Variants in CA12 observed in about 807,000 individuals in gnomAD.
CA12 encodes the protein carbonic anhydrase 12, also known as carbonate dehydratase XII.
Under a neutral mutation model 46.8 loss-of-function variants are expected in CA12, and 36 were observed. The ratio of observed to expected loss-of-function variants is 0.77; its 90% CI spans 0.59 to 1.02. The LOEUF (loss-of-function observed/expected upper bound fraction) is 1.02, where lower values mean the gene tolerates loss of function less well. Ranked by LOEUF, CA12 falls within the 50% of genes least tolerant of loss-of-function variation. CA12 has a pLI of 0.00. For missense variants in CA12, 436 were observed against 451.4 expected (o/e 0.97, Z 0.31); for synonymous variants, 202 against 187.0 (o/e 1.08, Z -0.65).
In CA12 at chr15:63,374,386, G is replaced by C. The variant is rs1326516546; in HGVS notation, c.106+1272C>G. 1.3e-5 allele frequency among the ~76,000 whole-genome samples: 2 copies of C among 152,122 alleles called. No homozygotes were observed. Among genetic ancestry groups the C allele is most frequent in the Non-Finnish European group, 2.9e-5 (2 of 68,026 alleles). On this transcript the variant is annotated intron_variant, in intron 2 of 10. Coordinates refer to ENST00000178638, the MANE Select transcript of CA12 (RefSeq NM_001218.5). This position sits in a 1 kb window ranked among gnomAD's most constrained non-coding sequence, Gnocchi z 4.4. Reference sequence around the variant, plus strand: ...CCAGGAGGCCTTCCCTGACCATCTAGCCCTAGCACACTCGCCCTCCTTTGA... The same window carrying C: ...CCAGGAGGCCTTCCCTGACCATCTACCCCTAGCACACTCGCCCTCCTTTGA...
chr15:63,325,369 C>A lies in CA12; in HGVS notation c.*916G>T, dbSNP rs2038852356. The A allele has an allele frequency of 6.6e-6, 1 of 152,110 alleles. No individual in the cohort carries two copies. Among genetic ancestry groups the A allele is most frequent in the Non-Finnish European group, 1.5e-5 (1 of 68,042 alleles). The allele number at this position is 152,110 out of a possible 1,614,324, so 9.4% of individuals were successfully genotyped here. A position where few individuals can be genotyped will look rare whatever the true frequency, so the allele number is the denominator to read the frequency against. Reference sequence around the variant, plus strand: ...TCATGTCTCCTCCAGGACACAGCAACAACACATTTTCAAGGAACAGCCTCA... The same window carrying A: ...TCATGTCTCCTCCAGGACACAGCAAAAACACATTTTCAAGGAACAGCCTCA... On this transcript the variant is annotated 3_prime_UTR_variant, in exon 11 of 11. Transcript: ENST00000178638. This position sits in a 1 kb window ranked among gnomAD's most constrained non-coding sequence, Gnocchi z 4.9.
intron 2 of CA12, among the ~76,000 whole-genome samples, chr15:63,363,661 G>A (rs2039395720): frequency 6.6e-6 from 1 of 152,230 alleles, no homozygotes; most frequent in Admixed American, 6.5e-5. Context: ...GTGATAATCA[G>A]CCTTTGCAGG....
At chr15:63,365,310 T>C (rs1742816972) in intron 2 of CA12, among the ~76,000 whole-genome samples, 1 of 152,268 alleles carries the variant, frequency 6.6e-6, no homozygotes, top group Admixed American at 6.5e-5. Flanking sequence ...AAAAAATCCC[T>C]GCATTTCCTC....
chr15:63,378,130 G>C lies in CA12; in HGVS notation c.86-2452C>G, dbSNP rs2152628592. 6.6e-6 allele frequency among the ~76,000 whole-genome samples: 1 copy of C among 152,270 alleles called. No individual in the cohort carries two copies. Among genetic ancestry groups the C allele is most frequent in the East Asian group, 1.9e-4 (1 of 5,182 alleles). Reference sequence around the variant, plus strand: ...TGGCTGGGTACGGTGGCTCACCCCTGTAATCCCAGCACTTTGGAAGACCAA... The same window carrying C: ...TGGCTGGGTACGGTGGCTCACCCCTCTAATCCCAGCACTTTGGAAGACCAA... On this transcript the variant is annotated intron_variant, in intron 1 of 10. Transcript: ENST00000178638. The surrounding 1 kb of genome is among the most constrained non-coding windows in gnomAD (Gnocchi z 4.8).
At chr15:63,327,000 G>T in intron 10 of CA12, 149 bp downstream of exon 10, 1 of 696,960 alleles carries the variant, frequency 1.4e-6, no homozygotes. Context: ...AAGGAGGCCA[G>T]GGCACGGGTG....
At chr15:63,335,490 G>T (rs1423745683) in intron 8 of CA12, among the ~76,000 whole-genome samples, 1 of 150,814 alleles carries the variant, frequency 6.6e-6, no homozygotes, top group Non-Finnish European at 1.5e-5. Context: ...AAGAGACAGG[G>T]TCTCACTCTG....
At position 63,374,757 on chromosome 15, in the gene CA12, G is replaced by A. The variant is rs1444703374; in HGVS notation, c.106+901C>T. Among the ~76,000 whole-genome samples, 1 of 152,084 alleles carries A rather than the reference G, an allele frequency of 6.6e-6. No homozygotes were observed. The highest frequency in any genetic ancestry group is 6.6e-5 in the Admixed American group (1 of 15,260). ...CTTCCACTGTAGTAATCAACTTCCC[G>A]CCTGTCCCCGCCCACAGCCATTGCA... On this transcript the variant is annotated intron_variant, in intron 2 of 10. Coordinates refer to ENST00000178638, the MANE Select transcript of CA12 (RefSeq NM_001218.5). The surrounding 1 kb of genome is among the most constrained non-coding windows in gnomAD (Gnocchi z 4.4).
Position 63,336,543 on chromosome 15 carries a change from CTTTT to C in CA12, c.874+2272_874+2275del, listed in dbSNP as rs71998323. On this transcript the variant is annotated intron_variant, in intron 8 of 10. Coordinates refer to ENST00000178638, the MANE Select transcript of CA12 (RefSeq NM_001218.5). Reference sequence around the variant, plus strand: ...CATGAGATCACCTAATCCAACCTGGCTTTTTTTTTTTTTTTTTTTTTTTTTGAGA... The same window carrying C: ...CATGAGATCACCTAATCCAACCTGGCTTTTTTTTTTTTTTTTTTTTTGAGA... Among the ~76,000 whole-genome samples the C allele has an allele frequency of 1.0e-3, 89 of 86,214 alleles. 1 individual carries two copies. The South Asian group carries it at 0.02, about 19-fold the overall frequency. 56.6% of individuals were successfully genotyped at this position (86,214 alleles called of 152,430 possible).
chr15:63,381,641 A>T lies in CA12; in HGVS notation c.80T>A (p.Val27Glu). The part of the protein sequence containing the change: ...LKEQPSSPAP[V>E]NGSKWTYFGP... The stretch of plus-strand genomic sequence containing the variant: ...GAAGCAGGCGGAAACTTTACCGTTC[A>T]CTGGGGCCGGGCTGGAAGGCTGTTC... Residue 27 changes from valine to glutamate, a missense_variant, in exon 1 of 11, where the codon GTG (valine) becomes GAG (glutamate). By Grantham distance (121) the Val-to-Glu change is moderately radical. Coordinates refer to ENST00000178638, the MANE Select transcript of CA12 (RefSeq NM_001218.5). 6.2e-7 allele frequency: 1 copy of T among 1,611,022 alleles called. No individual in the cohort carries two copies. The highest frequency in any genetic ancestry group is 8.5e-7 in the Non-Finnish European group (1 of 1,178,618).
At chr15:63,371,636 G>A (rs893742250) in intron 2 of CA12, among the ~76,000 whole-genome samples, 4 of 152,238 alleles carry the variant, frequency 2.6e-5, no homozygotes, top group Admixed American at 6.5e-5. Flanking sequence ...ATCCCATCGC[G>A]TTTAAGACTT....
intron 8 of CA12, among the ~76,000 whole-genome samples, chr15:63,336,957 A>G (rs1248235253): frequency 6.6e-6 from 1 of 152,184 alleles, no homozygotes; most frequent in Non-Finnish European, 1.5e-5. Flanking sequence ...TTTTGGTTTT[A>G]AGAGTTGAAG....
In CA12 at chr15:63,345,330, G is replaced by C. The variant is rs372316420; in HGVS notation, c.429+147C>G. 2.2e-6 allele frequency: 2 copies of C among 925,856 alleles called. No homozygotes were observed. The highest frequency in any genetic ancestry group is 5.2e-5 in the East Asian group (2 of 38,146). The allele number at this position is 925,856 out of a possible 1,614,324, so 57.4% of individuals were successfully genotyped here. ...AGCTACAGGCTAGTGGAGTGGCTGCGCCCCTTGTGCCAGGGCCAGAGGTGG... is the reference window on the plus strand; with the variant it reads ...AGCTACAGGCTAGTGGAGTGGCTGCCCCCCTTGTGCCAGGGCCAGAGGTGG... On this transcript the variant is annotated intron_variant, in intron 4 of 10. Transcript: ENST00000178638. This position sits in a 1 kb window ranked among gnomAD's most constrained non-coding sequence, Gnocchi z 4.3.
chr15:63,381,836 G>A lies in CA12; in HGVS notation c.-116C>T, dbSNP rs935767665. 21 of 606,108 alleles carry A rather than the reference G, an allele frequency of 3.5e-5. No individual in the cohort carries two copies. The highest frequency in any genetic ancestry group is 1.0e-4 in the East Asian group (3 of 28,954). The allele number at this position is 606,108 out of a possible 1,614,324, so 37.5% of individuals were successfully genotyped here. ...GCAGCCTGGGTGCCGTGGCGAGTACGTCCGCCCTTCGCTCTCCTGGCTTCC... is the reference window on the plus strand; with the variant it reads ...GCAGCCTGGGTGCCGTGGCGAGTACATCCGCCCTTCGCTCTCCTGGCTTCC... On this transcript the variant is annotated 5_prime_UTR_variant, in exon 1 of 11. The change creates a new upstream start codon in the 5' untranslated region. Transcript: ENST00000178638.
chr15:63,340,704 T>G lies in CA12; in HGVS notation c.589+16A>C. On this transcript the variant is annotated intron_variant, in intron 6 of 10. Coordinates refer to ENST00000178638, the MANE Select transcript of CA12 (RefSeq NM_001218.5). The surrounding 1 kb of genome is among the most constrained non-coding windows in gnomAD (Gnocchi z 4.4). ...TTCTCCAGCAGAGAGTGAATATGCA[T>G]GCAAGGACCCCTCACCTTTGTACTT... 6.2e-7 allele frequency: 1 copy of G among 1,613,154 alleles called. No homozygotes were observed. Among genetic ancestry groups the G allele is most frequent in the Non-Finnish European group, 8.5e-7 (1 of 1,179,046 alleles).
In CA12 at chr15:63,346,682, T is replaced by C. The variant is rs752285680; in HGVS notation, c.134A>G (p.Lys45Arg). ...CAGGCCCCCACACGACGGGTACTTC[T>C]TGGACCAGCTATTCTCCCCATCAGG... is the stretch of plus-strand genomic sequence containing the variant. Reference protein sequence around the residue: ...FGPDGENSWSKKYPSCGGLLQ... With the variant: ...FGPDGENSWSRKYPSCGGLLQ... The change falls in exon 3 of 11, where the codon AAG becomes AGG. Residue 45 changes from lysine (K) to arginine (R), a missense_variant. By Grantham distance (26) the Lys-to-Arg change is conservative. Transcript: ENST00000178638. The C allele has an allele frequency of 6.2e-7, 1 of 1,614,212 alleles. No homozygotes were observed. The highest frequency in any genetic ancestry group is 1.1e-5 in the South Asian group (1 of 91,084).
In CA12 at chr15:63,342,022, C is replaced by A. The variant is rs1251085069; in HGVS notation, c.505G>T (p.Val169Phe). Residue 169 changes from valine to phenylalanine, a missense_variant, in exon 5 of 11, where the codon GTC becomes TTC. Physicochemically the swap from Val to Phe is conservative, Grantham distance 50 (BLOSUM62 -1). Transcript: ENST00000178638. ...CTTACCTCAATGAGAACAGCCAGGA[C>A]AGCGAGGCCTTCTGACTTGTTGCTG... ...TASNKSEGLA[V>F]LAVLIEMGSF... 1.2e-6 allele frequency: 2 copies of A among 1,613,452 alleles called. No individual in the cohort carries two copies. The highest frequency in any genetic ancestry group is 1.7e-6 in the Non-Finnish European group (2 of 1,179,368).
At chr15:63,351,162 T>C (rs2039225235) in intron 2 of CA12, among the ~76,000 whole-genome samples, 1 of 152,224 alleles carries the variant, frequency 6.6e-6, no homozygotes, top group African/African-American at 2.4e-5. Context: ...GATGGTGGAA[T>C]GCCTCATCAG....
At position 63,327,353 on chromosome 15, in the gene CA12, C is replaced by T. The variant is rs1481722563; in HGVS notation, c.908-120G>A. ...ATCATCCACAGAAAGGAATAATTTC[C>T]CCATCCCTGTTCTCAGATTCTGGTC... On this transcript the variant is annotated intron_variant, in intron 9 of 10. Coordinates refer to ENST00000178638, the MANE Select transcript of CA12 (RefSeq NM_001218.5). This position sits in a 1 kb window ranked among gnomAD's most constrained non-coding sequence, Gnocchi z 4.5. 2 of 810,168 alleles carry T rather than the reference C, an allele frequency of 2.5e-6. No individual in the cohort carries two copies. The highest frequency in any genetic ancestry group is 5.5e-5 in the East Asian group (2 of 36,502). The allele number at this position is 810,168 out of a possible 1,614,324, so 50.2% of individuals were successfully genotyped here.
chr15:63,370,723 A>G (rs28451258), intron 2 of CA12, among the ~76,000 whole-genome samples: 2 of 151,300 alleles, frequency 1.3e-5, no homozygotes, highest in African/African-American at 4.9e-5. Context: ...CAGTGAGCCA[A>G]GATTGCACCA....
Sources: allele counts gnomAD v4.1 joint callset (sites outside exome capture counted in the v4.1 genomes callset), GRCh38; gene constraint gnomAD v4.1.1; non-coding constraint Gnocchi (gnomAD v3.1); transcripts MANE v1.5; gene names NCBI Gene and HGNC (gene_info 2026-07-23, HGNC 2026-07-21).